SVEP1: variants seen among roughly 807,000 people sequenced by gnomAD.
SVEP1 encodes sushi, von Willebrand factor type A, EGF and pentraxin domain-containing protein 1.
Under a neutral mutation model 367.3 loss-of-function variants are expected in SVEP1, and 164 were observed. That is an observed-to-expected ratio of 0.45 (90% CI 0.39 to 0.51). The LOEUF (loss-of-function observed/expected upper bound fraction) is 0.51. Among genes scored for constraint, SVEP1 ranks in the 20% least tolerant of loss-of-function variants. The pLI is 0.00. For synonymous variants in SVEP1, 1,666 were observed against 1,611.6 expected (o/e 1.03, Z -0.81); for missense variants, 4,117 against 4,425.3 (o/e 0.93, Z 1.98).
chr9:110,408,456 T>C lies in SVEP1; in HGVS notation c.7144A>G (p.Thr2382Ala). 2 of 1,613,788 alleles carry C rather than the reference T, an allele frequency of 1.2e-6. No individual in the cohort carries two copies. Among genetic ancestry groups the C allele is most frequent in the Non-Finnish European group, 8.5e-7 (1 of 1,179,850 alleles). Residue 2382 changes from threonine (T) to alanine (A), a missense_variant, in exon 38 of 48, where the codon ACC becomes GCC. Physicochemically the swap from Thr to Ala is moderately conservative, Grantham distance 58 (BLOSUM62 0). Around this residue, in one of 4 missense-constraint regions of SVEP1, gnomAD observed 1,765 missense variants for 1,781.1 expected, o/e 0.99. Coordinates refer to ENST00000374469, the MANE Select transcript of SVEP1 (RefSeq NM_153366.4). ...CCAAAGGAAATTAGGGGAGGTGGGGTACAAAGAACAATCTTACAAACAGGG... is the reference window on the plus strand; with the variant it reads ...CCAAAGGAAATTAGGGGAGGTGGGGCACAAAGAACAATCTTACAAACAGGG... ...SFPVCKIVLC[T>A]PPPLISFGVP...
intron 36 of SVEP1, among the ~76,000 whole-genome samples, chr9:110,415,944 T>C (rs1383621173): frequency 2.0e-5 from 3 of 152,076 alleles, no homozygotes; most frequent in Non-Finnish European, 2.9e-5. Flanking sequence ...CTCATGTGGA[T>C]TGGAGTTTAG....
rs963040533 is a variant in SVEP1, at chr9:110,431,913, A to G, written c.5353+2T>C. The G allele has an allele frequency of 6.2e-7, 1 of 1,613,394 alleles. No individual in the cohort carries two copies. Among genetic ancestry groups the G allele is most frequent in the African/African-American group, 1.3e-5 (1 of 74,902 alleles). On this transcript the variant is annotated splice_donor_variant, in intron 32 of 47. Transcript: ENST00000374469. LOFTEE classifies it high-confidence loss of function. ...ACTTTTAGTTCTACATATATTGGTT[A>G]CCTGCACAGTTTTTCCCATCTCCTG... is the stretch of plus-strand genomic sequence containing the variant.
Position 110,381,836 on chromosome 9 carries a change from G to A in SVEP1, c.10238-2319C>T, listed in dbSNP as rs1051461520. Among the ~76,000 whole-genome samples, 8 of 151,944 alleles carry A rather than the reference G, an allele frequency of 5.3e-5. No homozygotes were observed. The East Asian group carries it at 1.2e-3, about 22-fold the overall frequency. ...TGTAAATGTCAAAGACTCTTTGTAA[G>A]TCTCTAAGAACTTGATTTATGAATT... On this transcript the variant is annotated intron_variant, in intron 43 of 47. Transcript: ENST00000374469.
At chr9:110,377,920 TG>T (rs11308909) in intron 44 of SVEP1, among the ~76,000 whole-genome samples, 53,371 of 151,974 alleles carry the variant, frequency 0.35, 9,419 homozygotes, top group East Asian at 0.39. Flanking sequence ...TCTGCTTCTA[TG>T]AGTTTGACTG....
intron 32 of SVEP1, among the ~76,000 whole-genome samples, 174 bp from the exon 33 acceptor site, chr9:110,430,624 C>T (rs1463430920): frequency 1.3e-5 from 2 of 152,164 alleles, no homozygotes; most frequent in Non-Finnish European, 2.9e-5. Flanking sequence ...CCAGAACATA[C>T]ATTTAATAAG....
At chr9:110,463,177 A>T (rs773829022) in intron 18 of SVEP1, among the ~76,000 whole-genome samples, 1 of 150,528 alleles carries the variant, frequency 6.6e-6, no homozygotes, top group Non-Finnish European at 1.5e-5. Flanking sequence ...CCTAGTCTAA[A>T]CATCATCTTT....
At chr9:110,381,874 T>C (rs548427137) in intron 43 of SVEP1, among the ~76,000 whole-genome samples, 18 of 152,330 alleles carry the variant, frequency 1.2e-4, no homozygotes, top group African/African-American at 4.1e-4. Flanking sequence ...GGTGCTCCTG[T>C]ACTGGGTGCC....
intron 46 of SVEP1, 128 bp from the exon 47 acceptor site, chr9:110,370,144 A>C (rs1827255062): frequency 3.9e-6 from 3 of 765,914 alleles, no homozygotes; most frequent in Non-Finnish European, 4.3e-6. Context: ...ATATACCGTT[A>C]GCATTATCCA....
At chr9:110,382,668 G>A (rs7029455) in intron 43 of SVEP1, among the ~76,000 whole-genome samples, 24,023 of 152,102 alleles carry the variant, frequency 0.16, 2,078 homozygotes, top group East Asian at 0.36. Context: ...TGTTTTCCAA[G>A]GTGGTTCTAT....
intron 26 of SVEP1, among the ~76,000 whole-genome samples, chr9:110,445,555 C>G (rs1828579388): frequency 6.6e-6 from 1 of 152,118 alleles, no homozygotes. Context: ...ATTCTACTGT[C>G]TATAAAATGG....
chr9:110,532,901 A>G (rs1336691280), intron 3 of SVEP1, among the ~76,000 whole-genome samples: 1 of 152,100 alleles, frequency 6.6e-6, no homozygotes, highest in African/African-American at 2.4e-5. Context: ...ACAATCCCCA[A>G]CATTTTTGGT....
At chr9:110,404,751 G>C (rs929893316) in intron 38 of SVEP1, among the ~76,000 whole-genome samples, 199 bp from the exon 39 acceptor site, 1 of 152,020 alleles carries the variant, frequency 6.6e-6, no homozygotes, top group East Asian at 1.9e-4. Flanking sequence ...TGAGCTGGGT[G>C]CGGTGGCTCA....
rs200056532 is a variant in SVEP1, at chr9:110,465,948, T to C, written c.3239A>G (p.Lys1080Arg). The change falls in exon 18 of 48, where the codon AAA becomes AGA. Residue 1080 changes from lysine to arginine, a missense_variant. Lys to Arg is a conservative substitution (Grantham distance 26). Coordinates refer to ENST00000374469, the MANE Select transcript of SVEP1 (RefSeq NM_153366.4). Reference protein sequence around the residue: ...ESCPLGTYQPKFGSRSCLSCP... With the variant: ...ESCPLGTYQPRFGSRSCLSCP... Reference sequence around the variant, plus strand: ...CGAGAGGCAGCTCCGGGAACCAAATTTTGGCTGATAAGTGCCCAGTGGACA... The same window carrying C: ...CGAGAGGCAGCTCCGGGAACCAAATCTTGGCTGATAAGTGCCCAGTGGACA... The C allele has an allele frequency of 2.0e-4, 319 of 1,613,170 alleles. 1 individual carries two copies. The African/African-American group carries it at 3.8e-3, about 19-fold the overall frequency.
chr9:110,541,630 C>T (rs948061598), intron 3 of SVEP1, among the ~76,000 whole-genome samples: 2 of 151,666 alleles, frequency 1.3e-5, no homozygotes, highest in Non-Finnish European at 2.9e-5. Context: ...TAATAAAATC[C>T]GCCCCTGGTT....
intron 5 of SVEP1, among the ~76,000 whole-genome samples, chr9:110,510,766 CT>C (rs1430537928): frequency 1.3e-5 from 2 of 152,188 alleles, no homozygotes; most frequent in Non-Finnish European, 2.9e-5. Context: ...ATTTCCCATC[CT>C]CTACCGTAAG....
chr9:110,407,028 T>C lies in SVEP1; in HGVS notation c.8572A>G (p.Thr2858Ala), dbSNP rs1827966350. Residue 2858 changes from threonine to alanine, a missense_variant, in exon 38 of 48, where the codon ACT (threonine) becomes GCT (alanine). Thr to Ala is a moderately conservative substitution (Grantham distance 58). Transcript: ENST00000374469. ...TCAAGCAAGAACCCTTCATTGCAAGTGTATTCAATCTCTTTTTGGAATGTG... is the reference window on the plus strand; with the variant it reads ...TCAAGCAAGAACCCTTCATTGCAAGCGTATTCAATCTCTTTTTGGAATGTG... ...EYTFQKEIEY[T>A]CNEGFLLEGA... The C allele has an allele frequency of 6.2e-7, 1 of 1,613,872 alleles. No individual in the cohort carries two copies.
At chr9:110,494,026 A>G (rs1164733223) in intron 8 of SVEP1, among the ~76,000 whole-genome samples, 1 of 152,202 alleles carries the variant, frequency 6.6e-6, no homozygotes, top group East Asian at 1.9e-4. Context: ...CTGTAACCAC[A>G]GCTGGGAAAG....
At chr9:110,481,157 C>G (rs1265067311) in intron 12 of SVEP1, 85 bp downstream of exon 12, 5 of 1,061,414 alleles carry the variant, frequency 4.7e-6, no homozygotes, top group Non-Finnish European at 6.3e-6. Context: ...TAATTCCTAT[C>G]GTAAGGCAAT....
intron 13 of SVEP1, 112 bp from the exon 14 acceptor site, chr9:110,476,427 C>A: frequency 1.3e-6 from 1 of 763,888 alleles, no homozygotes; most frequent in Admixed American, 2.3e-5. Context: ...GAAGGGAGGG[C>A]CCCAGAGCTC....
Sources: allele counts gnomAD v4.1 joint callset (sites outside exome capture counted in the v4.1 genomes callset), GRCh38; gene constraint gnomAD v4.1.1; regional missense constraint gnomAD v4.1.1; transcripts MANE v1.5; gene names NCBI Gene and HGNC (gene_info 2026-07-23, HGNC 2026-07-21).